VPS13D: variants seen among roughly 807,000 people sequenced by gnomAD.
VPS13D encodes the protein vacuolar protein sorting 13 homolog D.
A neutral mutation model predicts 461.9 loss-of-function variants in VPS13D; 187 were observed. The observed-to-expected ratio is 0.40, with a 90% CI of 0.36 to 0.46. The LOEUF (loss-of-function observed/expected upper bound fraction) is 0.46, where lower values mean the gene tolerates loss of function less well. Ranked by LOEUF, VPS13D falls within the 20% of genes least tolerant of loss-of-function variation. The pLI is 0.60. For synonymous variants in VPS13D, 1,951 were observed against 1,986.3 expected, an observed-to-expected ratio of 0.98 and a Z score of 0.47; for missense variants, 4,711 against 5,364.9, an observed-to-expected ratio of 0.88 and a Z score of 3.81.
At chr1:12,332,200 A>G (rs1643349759) in intron 37 of VPS13D, among the ~76,000 whole-genome samples, 1 of 152,246 alleles carries the variant, frequency 6.6e-6, no homozygotes, top group Non-Finnish European at 1.5e-5. Context: ...TGTTGCTTCT[A>G]GGTCTGTACC....
chr1:12,393,223 A>G (rs1273056781), intron 60 of VPS13D, among the ~76,000 whole-genome samples: 1 of 152,270 alleles, frequency 6.6e-6, no homozygotes, highest in Admixed American at 6.5e-5. Context: ...TCCAATCTGC[A>G]TAATGTCATC....
In VPS13D at chr1:12,327,654, T is replaced by C. The variant is rs759766172; in HGVS notation, c.7997T>C (p.Leu2666Ser). 6.2e-7 allele frequency: 1 copy of C among 1,614,008 alleles called. No homozygotes were observed. The highest frequency in any genetic ancestry group is 2.2e-5 in the East Asian group (1 of 44,886). ...RKALLACQGQ[L>S]KKAASWLFKN... ...CTTCTTAATTTCTTTGAAGGCCAAT[T>C]GAAAAAGGCAGCAAGTTGGTTGTTT... Residue 2666 changes from leucine to serine, a missense_variant, in exon 36 of 70, where the codon TTG becomes TCG. Around this residue, in one of 3 missense-constraint regions of VPS13D, gnomAD observed 4,411 missense variants for 4,937.8 expected, o/e 0.89. Coordinates refer to ENST00000620676, the MANE Select transcript of VPS13D (RefSeq NM_015378.4).
intron 52 of VPS13D, among the ~76,000 whole-genome samples, chr1:12,368,176 C>G (rs1644065487): frequency 6.6e-6 from 1 of 152,144 alleles, no homozygotes; most frequent in Admixed American, 6.5e-5. Flanking sequence ...TGTATATATA[C>G]ACACACACAT....
At chr1:12,333,432 T>A in intron 38 of VPS13D, 66 bp downstream of exon 38, 1 of 1,579,332 alleles carries the variant, frequency 6.3e-7, no homozygotes, top group Non-Finnish European at 8.6e-7. Context: ...TCTGGAAGAC[T>A]ATTAATCCTG....
chr1:12,341,950 G>T, intron 41 of VPS13D, 65 bp downstream of exon 41: 1 of 1,474,744 alleles, frequency 6.8e-7, no homozygotes. Context: ...TGCCAGCCCA[G>T]TAGAGCAAGG....
chr1:12,406,780 C>T (rs1322216392), intron 63 of VPS13D, among the ~76,000 whole-genome samples: 1 of 152,090 alleles, frequency 6.6e-6, no homozygotes, highest in Non-Finnish European at 1.5e-5. Context: ...GTGTTTTTGG[C>T]TTTTTTTAAA....
intron 36 of VPS13D, 68 bp downstream of exon 36, chr1:12,327,922 T>C (rs1396855216): frequency 2.5e-5 from 11 of 437,060 alleles, no homozygotes; most frequent in Non-Finnish European, 3.2e-5. Flanking sequence ...ATTTGGGGCC[T>C]TTTTTTTTTT....
chr1:12,447,545 A>G (rs1046293703), intron 65 of VPS13D, among the ~76,000 whole-genome samples: 3 of 152,050 alleles, frequency 2.0e-5, no homozygotes, highest in African/African-American at 7.2e-5. Flanking sequence ...TCTGCCACAC[A>G]CTCATCTAAA....
chr1:12,256,865 T>G, intron 8 of VPS13D, 122 bp from the exon 9 acceptor site: 1 of 1,041,178 alleles, frequency 9.6e-7, no homozygotes, highest in Middle Eastern at 2.3e-4. Context: ...GTCTTTCAGT[T>G]TGCACTGGGT....
In VPS13D at chr1:12,299,301, A is replaced by G. The variant is rs778042952; in HGVS notation, c.6133A>G (p.Ile2045Val). The G allele has an allele frequency of 3.7e-6, 6 of 1,613,864 alleles. No individual in the cohort carries two copies. The highest frequency in any genetic ancestry group is 5.1e-6 in the Non-Finnish European group (6 of 1,179,968). ...IPESSRSNNL[I>V]VANLGKLKVK... ...AGAAAGTTCCAGATCAAATAATCTG[A>G]TTGTAGCAAATTTGGGGAAGTTGAA... Residue 2045 changes from isoleucine (I) to valine (V), a missense_variant, in exon 25 of 70, where the codon ATT becomes GTT. This residue lies in a region of VPS13D where 4,411 missense variants were observed against 4,937.8 expected (regional missense o/e 0.89). Transcript: ENST00000620676. The surrounding 1 kb of genome is among the most constrained non-coding windows in gnomAD (Gnocchi z 4.2).
At chr1:12,258,328 AC>A (rs1175763548) in intron 10 of VPS13D, among the ~76,000 whole-genome samples, 2 of 152,064 alleles carry the variant, frequency 1.3e-5, no homozygotes, top group South Asian at 2.1e-4. Context: ...AAGAAAAGAC[AC>A]CGTGGTCCTG....
At chr1:12,308,385 TG>T in intron 26 of VPS13D, 45 bp from the exon 27 acceptor site, 2 of 1,603,876 alleles carry the variant, frequency 1.2e-6, no homozygotes, top group Non-Finnish European at 1.7e-6. Flanking sequence ...AACCCCTTTT[TG>T]GGTCCCCTTT....
intron 19 of VPS13D, among the ~76,000 whole-genome samples, chr1:12,278,752 G>A (rs1217150444): frequency 6.6e-6 from 1 of 152,172 alleles, no homozygotes; most frequent in Non-Finnish European, 1.5e-5. Context: ...ATGCCTCAAG[G>A]GGTTGATGTA....
Position 12,276,520 on chromosome 1 carries a change from C to T in VPS13D, c.2932C>T (p.Leu978Phe), listed in dbSNP as rs766781546. Residue 978 changes from leucine to phenylalanine, a missense_variant, in exon 19 of 70, where the codon CTC becomes TTC. Physicochemically the swap from Leu to Phe is conservative, Grantham distance 22. Transcript: ENST00000620676. This position sits in a 1 kb window ranked among gnomAD's most constrained non-coding sequence, Gnocchi z 4.5. Reference sequence around the variant, plus strand: ...GAGCAATGGCCGGTACATTTCTGTGCTCAAGGTGTTTGGTACCAATGCTCA... The same window carrying T: ...GAGCAATGGCCGGTACATTTCTGTGTTCAAGGTGTTTGGTACCAATGCTCA... ...VESNGRYISV[L>F]KVFGTNAHFV... 12 of 1,614,014 alleles carry T rather than the reference C, an allele frequency of 7.4e-6. 1 individual carries two copies. Among genetic ancestry groups the T allele is most frequent in the Middle Eastern group, 1.6e-4 (1 of 6,084 alleles).
intron 33 of VPS13D, 87 bp from the exon 34 acceptor site, chr1:12,322,449 G>A (rs546429089): frequency 3.9e-4 from 528 of 1,342,788 alleles, no homozygotes; most frequent in Non-Finnish European, 5.4e-4. Context: ...ACTTTTAGAA[G>A]TTGAAATAGG....
At chr1:12,382,110 T>G (rs1431017877) in intron 57 of VPS13D, among the ~76,000 whole-genome samples, 1 of 151,466 alleles carries the variant, frequency 6.6e-6, no homozygotes, top group Non-Finnish European at 1.5e-5. Flanking sequence ...TTTCCTCTTT[T>G]CTTTTCTTTT....
intron 65 of VPS13D, among the ~76,000 whole-genome samples, chr1:12,429,556 T>G (rs1366945006): frequency 6.6e-6 from 1 of 152,228 alleles, no homozygotes; most frequent in East Asian, 1.9e-4. Context: ...CCTCCCAAAG[T>G]GCTGGCATTA....
intron 40 of VPS13D, 117 bp from the exon 41 acceptor site, chr1:12,341,663 T>G: frequency 1.2e-6 from 1 of 826,354 alleles, no homozygotes; most frequent in East Asian, 2.5e-5. Context: ...TCTTTCTTGC[T>G]TCCACCTTCA....
chr1:12,356,398 G>T lies in VPS13D; in HGVS notation c.9872G>T (p.Gly3291Val), dbSNP rs773297851. The change falls in exon 49 of 70, where the codon GGG becomes GTG. Residue 3291 changes from glycine to valine, a missense_variant and splice_region_variant. This residue lies in a region of VPS13D where 4,411 missense variants were observed against 4,937.8 expected (regional missense o/e 0.89). Transcript: ENST00000620676. ...GTAAACTTTTCTCTCCTTCCTAAAG[G>T]GTTGCCACTGATCTTCAGACAGGAC... is the stretch of plus-strand genomic sequence containing the variant. ...SAPYWLINKT[G>V]LPLIFRQDNA... 1.9e-6 allele frequency: 3 copies of T among 1,613,208 alleles called. No homozygotes were observed. The highest frequency in any genetic ancestry group is 1.7e-6 in the Non-Finnish European group (2 of 1,179,656).
Sources: gnomAD v4.1 joint callset for allele counts (sites outside exome capture counted in the v4.1 genomes callset) on GRCh38, gnomAD v4.1.1 for gene constraint, gnomAD v4.1.1 regional missense constraint, Gnocchi (gnomAD v3.1) non-coding constraint, MANE v1.5 for transcripts, NCBI Gene and HGNC (gene_info 2026-07-23, HGNC 2026-07-21) for gene names.